The following CDYL2 variants were observed in gnomAD, a reference collection of about 807,000 sequenced individuals.
CDYL2 encodes chromodomain Y like 2, also known as chromodomain Y-like protein 2.
CDYL2 carries 23 observed loss-of-function variants against 49.4 expected under a neutral mutation model. The observed-to-expected ratio is 0.47, with a 90% CI of 0.34 to 0.66. CDYL2 has a LOEUF of 0.66. Among genes scored for constraint, CDYL2 ranks in the 30% least tolerant of loss-of-function variants. The pLI, the probability that CDYL2 is intolerant of heterozygous loss-of-function variation, is 0.01. For missense variants in CDYL2, 678 were observed against 656.4 expected (o/e 1.03, Z -0.36); for synonymous variants, 360 against 268.8 (o/e 1.34, Z -3.32).
intron 1 of CDYL2, among the ~76,000 whole-genome samples, chr16:80,791,139 T>G (rs1907595951): frequency 6.6e-6 from 1 of 152,180 alleles, no homozygotes; most frequent in African/African-American, 2.4e-5. Flanking sequence ...AAGATTACAT[T>G]TATTGATAAC....
chr16:80,655,420 G>A (rs1335742615), intron 2 of CDYL2, among the ~76,000 whole-genome samples: 1 of 152,156 alleles, frequency 6.6e-6, no homozygotes, highest in African/African-American at 2.4e-5. Flanking sequence ...TTTGGGTTGG[G>A]GAGATGAAAA....
chr16:80,647,888 C>T (rs1171344465), intron 2 of CDYL2, among the ~76,000 whole-genome samples: 1 of 151,806 alleles, frequency 6.6e-6, no homozygotes, highest in Non-Finnish European at 1.5e-5. Flanking sequence ...AGAAACTATA[C>T]AAATACATGG....
chr16:80,680,664 G>T (rs1909933854), intron 2 of CDYL2, among the ~76,000 whole-genome samples: 1 of 152,188 alleles, frequency 6.6e-6, no homozygotes, highest in Non-Finnish European at 1.5e-5. Flanking sequence ...AACTATGACA[G>T]GTTTTAAAAC....
At position 80,688,267 on chromosome 16, in the gene CDYL2, A is replaced by G. The variant is rs1187484620; in HGVS notation, c.25-3138T>C. Among the ~76,000 whole-genome samples, 3 of 152,134 alleles carry G rather than the reference A, an allele frequency of 2.0e-5. No homozygotes were observed. In the East Asian group the frequency reaches 5.8e-4, roughly 29 times the overall value. On this transcript the variant is annotated intron_variant, in intron 1 of 6. Coordinates refer to ENST00000570137, the MANE Select transcript of CDYL2 (RefSeq NM_152342.4). Reference sequence around the variant, plus strand: ...TTGTCAACAATTTCTACTTAACCCAATACCAATGATGAGCAGTATTAACAG... The same window carrying G: ...TTGTCAACAATTTCTACTTAACCCAGTACCAATGATGAGCAGTATTAACAG...
At chr16:80,659,643 GAC>G (rs1272809370) in intron 2 of CDYL2, among the ~76,000 whole-genome samples, 1 of 142,282 alleles carries the variant, frequency 7.0e-6, no homozygotes, top group African/African-American at 2.8e-5. Context: ...TACATATACA[GAC>G]ACACACAGAA....
chr16:80,622,064 G>A (rs375737572), intron 3 of CDYL2, among the ~76,000 whole-genome samples: 2 of 152,326 alleles, frequency 1.3e-5, no homozygotes, highest in East Asian at 3.9e-4. Flanking sequence ...CAGTTGGTAA[G>A]TGTTAGAGGT....
At position 80,620,716 on chromosome 16, in the gene CDYL2, T is replaced by C. The variant is rs1357529479; in HGVS notation, c.1007+47A>G. The stretch of plus-strand genomic sequence containing the variant: ...CTGAGCAGCCTGTATTTTTACTTGG[T>C]AATCCTACGCAGGACCCCAGGGTGT... On this transcript the variant is annotated intron_variant, in intron 4 of 6. Coordinates refer to ENST00000570137, the MANE Select transcript of CDYL2 (RefSeq NM_152342.4). 6 of 1,466,016 alleles carry C rather than the reference T, an allele frequency of 4.1e-6. No homozygotes were observed. The East Asian group carries it at 1.4e-4, about 35-fold the overall frequency. The allele number at this position is 1,466,016 out of a possible 1,614,324, so 90.8% of individuals were successfully genotyped here.
At chr16:80,607,962 T>C in intron 6 of CDYL2, 130 bp downstream of exon 6, 1 of 1,080,342 alleles carries the variant, frequency 9.3e-7, no homozygotes, top group South Asian at 1.8e-5. Flanking sequence ...ATTTGTTAAA[T>C]TGCAAAGGGT....
Position 80,613,791 on chromosome 16 carries a change from C to G in CDYL2, c.1008-955G>C, listed in dbSNP as rs370464247. Among the ~76,000 whole-genome samples the G allele has an allele frequency of 1.3e-3, 197 of 152,306 alleles. 1 individual carries two copies. The highest frequency in any genetic ancestry group is 4.5e-3 in the African/African-American group (185 of 41,566). Reference sequence around the variant, plus strand: ...CAAGATGTCTAGTAAAGTCTGCATCCTTCGTTACTTTCAGAGGAAAGATTA... The same window carrying G: ...CAAGATGTCTAGTAAAGTCTGCATCGTTCGTTACTTTCAGAGGAAAGATTA... On this transcript the variant is annotated intron_variant, in intron 4 of 6. Transcript: ENST00000570137.
chr16:80,634,441 A>C (rs1208707152), intron 2 of CDYL2, among the ~76,000 whole-genome samples: 2 of 152,188 alleles, frequency 1.3e-5, no homozygotes, highest in Non-Finnish European at 2.9e-5. Flanking sequence ...GTGGGAATTG[A>C]ACAATGAGAA....
upstream of CDYL2, among the ~76,000 whole-genome samples, chr16:80,805,026 C>T (rs1908058851): frequency 6.6e-6 from 1 of 152,154 alleles, no homozygotes; most frequent in South Asian, 2.1e-4. Flanking sequence ...TGAAATGGCC[C>T]ATCCAGAGGC....
intron 2 of CDYL2, among the ~76,000 whole-genome samples, chr16:80,660,457 T>C (rs1271278661): frequency 6.6e-6 from 1 of 151,964 alleles, no homozygotes; most frequent in Non-Finnish European, 1.5e-5. Flanking sequence ...AGTTTAAAAA[T>C]ACAATCTACA....
At chr16:80,669,163 G>A (rs1255130671) in intron 2 of CDYL2, among the ~76,000 whole-genome samples, 1 of 151,814 alleles carries the variant, frequency 6.6e-6, no homozygotes, top group Non-Finnish European at 1.5e-5. Context: ...ACAAGCAAAA[G>A]TAAAGGAGAA....
chr16:80,643,991 T>C (rs1908221345), intron 2 of CDYL2, among the ~76,000 whole-genome samples: 3 of 152,236 alleles, frequency 2.0e-5, no homozygotes, highest in African/African-American at 7.2e-5. Context: ...ATGGGTTTTC[T>C]TGTCTATCAC....
At chr16:80,707,964 G>T (rs1010144218) in intron 1 of CDYL2, among the ~76,000 whole-genome samples, 3 of 152,042 alleles carry the variant, frequency 2.0e-5, no homozygotes. Context: ...ATCACCTTAA[G>T]TTTATCCAGA....
chr16:80,628,714 A>T (rs1271866481), intron 3 of CDYL2, among the ~76,000 whole-genome samples: 2 of 152,368 alleles, frequency 1.3e-5, no homozygotes, highest in African/African-American at 4.8e-5. Flanking sequence ...CTAAAATAGC[A>T]TACTTACCAT....
chr16:80,769,284 G>C (rs755673126), intron 1 of CDYL2, among the ~76,000 whole-genome samples: 1 of 152,300 alleles, frequency 6.6e-6, no homozygotes, highest in East Asian at 1.9e-4. Context: ...GGCTCAAAAG[G>C]CTACAAGACT....
intron 1 of CDYL2, among the ~76,000 whole-genome samples, chr16:80,801,568 G>T (rs1036690276): frequency 2.0e-5 from 3 of 152,150 alleles, no homozygotes; most frequent in African/African-American, 4.8e-5. Context: ...AAGAACTCTT[G>T]GCCCACTAAA....
intron 1 of CDYL2, among the ~76,000 whole-genome samples, chr16:80,748,505 T>TC (rs1906014052): frequency 7.4e-5 from 2 of 26,944 alleles, no homozygotes; most frequent in African/African-American, 3.3e-4. Context: ...CAAAACTCCA[T>TC]TAAAAAAAAA....
Sources: allele counts gnomAD v4.1 joint callset (sites outside exome capture counted in the v4.1 genomes callset), GRCh38; gene constraint gnomAD v4.1.1; transcripts MANE v1.5; gene names NCBI Gene and HGNC (gene_info 2026-07-23, HGNC 2026-07-21).